Variants in CDC27 observed in about 807,000 individuals in gnomAD.
CDC27 encodes cell division cycle 27.
CDC27 carries 27 observed loss-of-function variants against 109.7 expected under a neutral mutation model. The ratio of observed to expected loss-of-function variants is 0.25; its 90% CI spans 0.18 to 0.34. CDC27 has a LOEUF of 0.34. CDC27 is among the 10% of genes least tolerant of loss of function. The pLI is 1.00. For synonymous variants in CDC27, 266 were observed against 333.9 expected (o/e 0.80, Z 2.22); for missense variants, 579 against 960.2 (o/e 0.60, Z 5.25).
chr17:47,120,444 T>C lies in CDC27; in HGVS notation c.*491A>G, dbSNP rs1356873674. On this transcript the variant is annotated 3_prime_UTR_variant, in exon 19 of 19. Transcript: ENST00000066544. Reference sequence around the variant, plus strand: ...TTCCTTGGCAATCAAGTCACTGTTATAGGCAACGTCTTTTATTGTTCCATC... The same window carrying C: ...TTCCTTGGCAATCAAGTCACTGTTACAGGCAACGTCTTTTATTGTTCCATC... 1.3e-5 allele frequency: 2 copies of C among 154,616 alleles called. No homozygotes were observed. The highest frequency in any genetic ancestry group is 1.9e-4 in the East Asian group (1 of 5,268). 9.6% of individuals were successfully genotyped at this position (154,616 alleles called of 1,614,324 possible). A position where few individuals can be genotyped will look rare whatever the true frequency, so the allele number is the denominator to read the frequency against.
At chr17:47,135,858 C>T (rs1465528512) in intron 14 of CDC27, among the ~76,000 whole-genome samples, 1 of 152,006 alleles carries the variant, frequency 6.6e-6, no homozygotes, top group African/African-American at 2.4e-5. Context: ...GAACTGAGTT[C>T]CTGGCCGGGT....
intron 2 of CDC27, 113 bp downstream of exon 2, chr17:47,181,449 T>C: frequency 1.8e-6 from 1 of 566,140 alleles, no homozygotes; most frequent in Non-Finnish European, 3.2e-6. Context: ...CTAGTGTCAA[T>C]CAGAAAAACA....
intron 7 of CDC27, among the ~76,000 whole-genome samples, chr17:47,155,050 A>G (rs2063261134): frequency 6.6e-6 from 1 of 152,234 alleles, no homozygotes; most frequent in Non-Finnish European, 1.5e-5. Context: ...AAAGAAGAGT[A>G]GCTTTATAAA....
Position 47,142,169 on chromosome 17 carries a change from A to G in CDC27, c.1378+60T>C, listed in dbSNP as rs1379121347. ...AAGGTACTGTAATGAACATAAAGAA[A>G]TTTACTTAAAATAAGTACATAATAA... On this transcript the variant is annotated intron_variant, in intron 11 of 18. Coordinates refer to ENST00000066544, the MANE Select transcript of CDC27 (RefSeq NM_001256.6). 2.5e-6 allele frequency: 3 copies of G among 1,202,578 alleles called. No individual in the cohort carries two copies. In the African/African-American group the frequency reaches 4.7e-5, roughly 19 times the overall value. The allele number at this position is 1,202,578 out of a possible 1,614,324, so 74.5% of individuals were successfully genotyped here. A position where few individuals can be genotyped will look rare whatever the true frequency, so the allele number is the denominator to read the frequency against.
chr17:47,128,153 C>T (rs959949179), intron 16 of CDC27, among the ~76,000 whole-genome samples: 3 of 152,062 alleles, frequency 2.0e-5, no homozygotes, highest in Non-Finnish European at 2.9e-5. Context: ...GCCTCAGCCT[C>T]CCAAGTAGCT....
chr17:47,142,212 A>T lies in CDC27; in HGVS notation c.1378+17T>A. Reference sequence around the variant, plus strand: ...CATAATAAAATACAAAGATAATATTAAGCATTTAAAACAGACCTGCTGCTG... The same window carrying T: ...CATAATAAAATACAAAGATAATATTTAGCATTTAAAACAGACCTGCTGCTG... On this transcript the variant is annotated intron_variant, in intron 11 of 18. Coordinates refer to ENST00000066544, the MANE Select transcript of CDC27 (RefSeq NM_001256.6). 1 of 1,431,236 alleles carries T rather than the reference A, an allele frequency of 7.0e-7. No individual in the cohort carries two copies. Among genetic ancestry groups the T allele is most frequent in the Non-Finnish European group, 9.6e-7 (1 of 1,040,338 alleles). The allele number at this position is 1,431,236 out of a possible 1,614,324, so 88.7% of individuals were successfully genotyped here. A position where few individuals can be genotyped will look rare whatever the true frequency, so the allele number is the denominator to read the frequency against.
At position 47,137,279 on chromosome 17, in the gene CDC27, C is replaced by T; in HGVS notation, c.1786G>A (p.Val596Ile). Reference sequence around the variant, plus strand: ...TAGGCATAAGCGTAATTTGGATCAACTTGGATAGCTCTCTGGAAGAATTTA... The same window carrying T: ...TAGGCATAAGCGTAATTTGGATCAATTTGGATAGCTCTCTGGAAGAATTTA... ...AIKFFQRAIQ[V>I]DPNYAYAYTL... The change falls in exon 14 of 19, where the codon GTT (valine) becomes ATT (isoleucine). Residue 596 changes from valine (V) to isoleucine (I), a missense_variant. Physicochemically the swap from Val to Ile is conservative, Grantham distance 29. This residue lies in a region of CDC27 where 227 missense variants were observed against 363.6 expected (regional missense o/e 0.62). Transcript: ENST00000066544. 1 of 1,612,092 alleles carries T rather than the reference C, an allele frequency of 6.2e-7. No homozygotes were observed. Among genetic ancestry groups the T allele is most frequent in the Non-Finnish European group, 8.5e-7 (1 of 1,179,108 alleles).
chr17:47,174,896 C>A (rs2063934600), intron 2 of CDC27, among the ~76,000 whole-genome samples: 1 of 152,040 alleles, frequency 6.6e-6, no homozygotes, highest in African/African-American at 2.4e-5. Context: ...GCAGTGGTTG[C>A]AGTGAGCCGA....
chr17:47,154,397 G>C (rs1225888235), intron 8 of CDC27, among the ~76,000 whole-genome samples: 1 of 152,068 alleles, frequency 6.6e-6, no homozygotes, highest in Non-Finnish European at 1.5e-5. Context: ...GTAAAAATAT[G>C]ATTATGTTTA....
In CDC27 at chr17:47,123,370, G is replaced by C. The variant is rs1430079780; in HGVS notation, c.2235+516C>G. On this transcript the variant is annotated intron_variant, in intron 17 of 18. Transcript: ENST00000066544. Reference sequence around the variant, plus strand: ...CATTTCTCTTAATCAAGACAACACAGTGCCATTCATGTTCTTCTACTTTTT... The same window carrying C: ...CATTTCTCTTAATCAAGACAACACACTGCCATTCATGTTCTTCTACTTTTT... Among the ~76,000 whole-genome samples the C allele has an allele frequency of 3.3e-5, 5 of 149,516 alleles. No individual in the cohort carries two copies. The East Asian group carries it at 7.8e-4, about 23-fold the overall frequency.
At chr17:47,150,553 T>C (rs1598479432) in intron 9 of CDC27, among the ~76,000 whole-genome samples, 1 of 152,134 alleles carries the variant, frequency 6.6e-6, no homozygotes, top group East Asian at 1.9e-4. Flanking sequence ...TCTAAAGATT[T>C]TGGAAGGGGA....
At chr17:47,171,565 C>T (rs540922513) in intron 3 of CDC27, among the ~76,000 whole-genome samples, 91 of 152,288 alleles carry the variant, frequency 6.0e-4, no homozygotes, top group Non-Finnish European at 1.1e-3. Context: ...ATACAATCAC[C>T]TAAACACAAG....
Position 47,129,446 on chromosome 17 carries a change from G to C in CDC27, c.2107C>G (p.Pro703Ala), listed in dbSNP as rs1420758490. 4.3e-6 allele frequency: 7 copies of C among 1,610,646 alleles called. No individual in the cohort carries two copies. The highest frequency in any genetic ancestry group is 2.7e-5 in the African/African-American group (2 of 74,840). Residue 703 changes from proline (P) to alanine (A), a missense_variant, in exon 16 of 19, where the codon CCT becomes GCT. Physicochemically the swap from Pro to Ala is conservative, Grantham distance 27. This residue lies in a region of CDC27 where 227 missense variants were observed against 363.6 expected (regional missense o/e 0.62). Coordinates refer to ENST00000066544, the MANE Select transcript of CDC27 (RefSeq NM_001256.6). ...NKAIVIDPKN[P>A]LCKFHRASVL... ...GAGGCTCTGTGAAATTTGCATAGAG[G>C]GTTCTTGGGATCAATGACAATGGCT... is the stretch of plus-strand genomic sequence containing the variant.
rs1238993472 is a variant in CDC27 at position 47,118,259 on chromosome 17, A to C, written c.*2676T>G. On this transcript the variant is annotated 3_prime_UTR_variant, in exon 19 of 19. Transcript: ENST00000066544. ...ACTGGTTATCACTGAGTTTTTGTTT[A>C]AGGTACAACAGCAGCATGGTTCAAA... 2 of 152,272 alleles carry C rather than the reference A, an allele frequency of 1.3e-5. No homozygotes were observed. The highest frequency in any genetic ancestry group is 2.9e-5 in the Non-Finnish European group (2 of 68,024). 9.4% of individuals were successfully genotyped at this position (152,272 alleles called of 1,614,324 possible).
intron 16 of CDC27, among the ~76,000 whole-genome samples, chr17:47,127,252 GA>G (rs1196595490): frequency 2.0e-5 from 3 of 151,944 alleles, no homozygotes; most frequent in African/African-American, 7.2e-5. Context: ...AACAGAGCAA[GA>G]AAAACAAAAA....
At chr17:47,157,164 T>G in intron 6 of CDC27, 40 bp from the exon 7 acceptor site, 1 of 1,540,544 alleles carries the variant, frequency 6.5e-7, no homozygotes, top group Non-Finnish European at 8.9e-7. Flanking sequence ...CACAATATAT[T>G]ATTTAGTTCA....
rs1384946552 is a variant in CDC27 at position 47,122,454 on chromosome 17, T to C, written c.2382A>G (p.Glu794=). 38 of 1,602,516 alleles carry C rather than the reference T, an allele frequency of 2.4e-5. No individual in the cohort carries two copies. The highest frequency in any genetic ancestry group is 2.9e-5 in the Non-Finnish European group (34 of 1,174,134). The change falls in exon 18 of 19, where the codon GAA becomes GAG. Residue 794 remains glutamate (E), a synonymous_variant. Coordinates refer to ENST00000066544, the MANE Select transcript of CDC27 (RefSeq NM_001256.6). ...LPDDEEPITQ[E]EQIMGTDESQ... is the part of the protein sequence containing the mutation. ...ATGTATGATACTTACTGATCTGTTC[T>C]TCTTGGGTTATTGGCTCCTCATCAT...
intron 15 of CDC27, 97 bp downstream of exon 15, chr17:47,132,160 C>T (rs2062363917): frequency 1.5e-6 from 1 of 658,804 alleles, no homozygotes; most frequent in African/African-American, 1.8e-5. Context: ...TGTTTCAACA[C>T]AAAAAAGGAC....
chr17:47,137,102 G>T (rs200099646), intron 14 of CDC27, 50 bp downstream of exon 14: 1 of 1,139,684 alleles, frequency 8.8e-7, no homozygotes, highest in Non-Finnish European at 1.2e-6. Flanking sequence ...AAATTAGTAA[G>T]TACCAGCACC....
Sources: gnomAD v4.1 joint callset for allele counts (sites outside exome capture counted in the v4.1 genomes callset) on GRCh38, gnomAD v4.1.1 for gene constraint, gnomAD v4.1.1 regional missense constraint, MANE v1.5 for transcripts, NCBI Gene and HGNC (gene_info 2026-07-23, HGNC 2026-07-21) for gene names.